NCOR1: variants seen among roughly 807,000 people sequenced by gnomAD.
The protein encoded by NCOR1 is protein phosphatase 1, regulatory subunit 109.
Under a neutral mutation model 288.1 loss-of-function variants are expected in NCOR1, and 63 were observed. That is an observed-to-expected ratio of 0.22 (90% CI 0.18 to 0.27). The LOEUF is 0.27. Ranked by LOEUF, NCOR1 falls within the 10% of genes least tolerant of loss-of-function variation. The pLI is 1.00. For missense variants in NCOR1, 2,397 were observed against 3,019.2 expected, an observed-to-expected ratio of 0.79 and a Z score of 4.83; for synonymous variants, 1,007 against 1,065.9, an observed-to-expected ratio of 0.94 and a Z score of 1.08.
At chr17:16,043,657 A>G (rs1374815383) in intron 42 of NCOR1, among the ~76,000 whole-genome samples, 2 of 152,222 alleles carry the variant, frequency 1.3e-5, no homozygotes, top group Non-Finnish European at 2.9e-5. Flanking sequence ...GGGTAAGACA[A>G]AGACTACAGA....
At chr17:16,203,293 C>T (rs1231664357) in intron 1 of NCOR1, among the ~76,000 whole-genome samples, 2 of 152,194 alleles carry the variant, frequency 1.3e-5, no homozygotes, top group East Asian at 3.8e-4. Context: ...TGACCCAAGG[C>T]CCTACTTGAT....
At chr17:16,100,727 C>CA (rs1392312001) in intron 20 of NCOR1, among the ~76,000 whole-genome samples, 3 of 152,196 alleles carry the variant, frequency 2.0e-5, no homozygotes, top group Non-Finnish European at 4.4e-5. Context: ...TTAACTGATA[C>CA]AAAAAAGTGG....
Position 16,156,178 on chromosome 17 carries a change from G to A in NCOR1, c.732+2582C>T, listed in dbSNP as rs1268540688. 2.0e-5 allele frequency among the ~76,000 whole-genome samples: 3 copies of A among 152,290 alleles called. No individual in the cohort carries two copies. The East Asian group carries it at 5.8e-4, about 29-fold the overall frequency. The stretch of plus-strand genomic sequence containing the variant: ...AGGCCTGGTGCAGTGGCTGACGCCT[G>A]TAATCCCAACACTTTGGGAGGCCAA... On this transcript the variant is annotated intron_variant, in intron 6 of 45. Coordinates refer to ENST00000268712, the MANE Select transcript of NCOR1 (RefSeq NM_006311.4).
At chr17:16,048,504 T>C (rs1315844192) in intron 41 of NCOR1, among the ~76,000 whole-genome samples, 1 of 151,914 alleles carries the variant, frequency 6.6e-6, no homozygotes, top group Admixed American at 6.6e-5. Flanking sequence ...CTATTCAGAG[T>C]CCACAGTGCT....
intron 19 of NCOR1, among the ~76,000 whole-genome samples, chr17:16,105,750 AAGAC>A (rs1451595287): frequency 4.0e-5 from 6 of 148,154 alleles, no homozygotes; most frequent in Non-Finnish European, 9.0e-5. Flanking sequence ...CAAACAAACA[AAGAC>A]AGACAAGCAA....
intron 23 of NCOR1, among the ~76,000 whole-genome samples, chr17:16,085,865 C>G (rs548580879): frequency 6.6e-6 from 1 of 152,190 alleles, no homozygotes; most frequent in Admixed American, 6.5e-5. Context: ...AGTAATGAAC[C>G]AGAAAAAAGA....
rs1454795119 is a variant in NCOR1 at position 16,067,963 on chromosome 17, C to T, written c.4672G>A (p.Glu1558Lys). Residue 1558 changes from glutamate to lysine, a missense_variant, in exon 32 of 46, where the codon GAG becomes AAG. Physicochemically the swap from Glu to Lys is moderately conservative, Grantham distance 56. Transcript: ENST00000268712. ...GTGGGCAGGTGGCTCCGATAAACCT[C>T]GCCTGCAGTGCTGCCTCTGTGATGG... ...DPHHRGSTAGEVYRSHLPTHL... is the reference protein window; with the variant it reads ...DPHHRGSTAGKVYRSHLPTHL... 8 of 1,614,198 alleles carry T rather than the reference C, an allele frequency of 5.0e-6. No homozygotes were observed. The highest frequency in any genetic ancestry group is 1.7e-5 in the Admixed American group (1 of 60,016).
chr17:16,094,755 C>T (rs1032982444), intron 21 of NCOR1, among the ~76,000 whole-genome samples: 11 of 152,154 alleles, frequency 7.2e-5, no homozygotes, highest in Non-Finnish European at 1.2e-4. Context: ...TTGGTGGAGA[C>T]GGGGTTTCGC....
At chr17:16,143,531 A>T (rs2285579) in intron 11 of NCOR1, 75 bp downstream of exon 11, 635,020 of 1,155,556 alleles carry the variant, frequency 0.55, 180,195 homozygotes, top group African/African-American at 0.73. Flanking sequence ...TACATACAAA[A>T]AAACCCTTAG....
At chr17:16,088,310 A>G (rs1431349616) in intron 22 of NCOR1, among the ~76,000 whole-genome samples, 2 of 152,156 alleles carry the variant, frequency 1.3e-5, no homozygotes, top group Admixed American at 6.5e-5. Context: ...AGATAGTTCC[A>G]TCCCTTGCTT....
chr17:16,074,353 AGAT>A (rs1384770559), intron 27 of NCOR1, among the ~76,000 whole-genome samples: 4 of 152,174 alleles, frequency 2.6e-5, no homozygotes, highest in African/African-American at 9.7e-5. Flanking sequence ...GCTGGGTTAA[AGAT>A]GATGGTGACA....
chr17:16,115,204 G>A (rs1274737057), intron 18 of NCOR1, among the ~76,000 whole-genome samples: 3 of 152,182 alleles, frequency 2.0e-5, no homozygotes, highest in South Asian at 2.1e-4. Context: ...CTGGGGTGCA[G>A]AGCACCAAGT....
At chr17:16,161,908 C>G (rs886119108) in intron 5 of NCOR1, among the ~76,000 whole-genome samples, 13 of 151,940 alleles carry the variant, frequency 8.6e-5, no homozygotes, top group African/African-American at 3.1e-4. Flanking sequence ...TTCATTATCT[C>G]AATTCATAAA....
intron 9 of NCOR1, among the ~76,000 whole-genome samples, chr17:16,148,612 G>GA (rs796837576): frequency 6.2e-4 from 48 of 77,400 alleles, no homozygotes; most frequent in African/African-American, 1.1e-3. Context: ...ACTTGGAAAG[G>GA]AAAAAAAAAT....
At chr17:16,048,243 C>G (rs965212405) in intron 41 of NCOR1, among the ~76,000 whole-genome samples, 2 of 152,206 alleles carry the variant, frequency 1.3e-5, no homozygotes, top group Non-Finnish European at 2.9e-5. Flanking sequence ...ATGATTTGGA[C>G]AGAGATTCCA....
chr17:16,132,406 G>A (rs1341075187), intron 14 of NCOR1, among the ~76,000 whole-genome samples: 2 of 152,156 alleles, frequency 1.3e-5, no homozygotes, highest in Admixed American at 6.5e-5. Flanking sequence ...AATGTACATA[G>A]AATCAAACTA....
intron 1 of NCOR1, chr17:16,198,585 G>C (rs780192463): frequency 6.6e-6 from 1 of 152,064 alleles, no homozygotes; most frequent in Non-Finnish European, 1.5e-5. Flanking sequence ...AATTAGCCAG[G>C]CGTGGTGGCA....
At chr17:16,049,176 A>G (rs183518426) in intron 40 of NCOR1, 188 bp from the exon 41 acceptor site, 1 of 460,394 alleles carries the variant, frequency 2.2e-6, no homozygotes. Flanking sequence ...AACAAAAAAA[A>G]CCACTGTGTT....
Position 16,092,033 on chromosome 17 carries a change from G to A in NCOR1, c.2846C>T (p.Pro949Leu). ...PMVSCTPCNIPIGTPVSGYAL... is the reference protein window; with the variant it reads ...PMVSCTPCNILIGTPVSGYAL... ...ATAGCCGCTCACTGGGGTTCCAATT[G>A]GTATGTTACATGGGGTGCAGGATAC... The change falls in exon 22 of 46, where the codon CCA becomes CTA. Residue 949 changes from proline to leucine, a missense_variant. Pro to Leu is a moderately conservative substitution (Grantham distance 98, BLOSUM62 -3). Around this residue, in one of 11 missense-constraint regions of NCOR1, gnomAD observed 1,872 missense variants for 2,187.8 expected, o/e 0.86. Coordinates refer to ENST00000268712, the MANE Select transcript of NCOR1 (RefSeq NM_006311.4). 1 of 1,613,940 alleles carries A rather than the reference G, an allele frequency of 6.2e-7. No individual in the cohort carries two copies. Among genetic ancestry groups the A allele is most frequent in the Non-Finnish European group, 8.5e-7 (1 of 1,180,020 alleles).
Sources: allele counts gnomAD v4.1 joint callset (sites outside exome capture counted in the v4.1 genomes callset), GRCh38; gene constraint gnomAD v4.1.1; regional missense constraint gnomAD v4.1.1; transcripts MANE v1.5; gene names NCBI Gene and HGNC (gene_info 2026-07-23, HGNC 2026-07-21).